Variants in PIP5K1B observed in about 807,000 individuals in gnomAD.
The protein encoded by PIP5K1B is phosphatidylinositol 4-phosphate 5-kinase type-1 beta.
In PIP5K1B, 42 loss-of-function variants were observed where a neutral mutation model predicts 67.0. The ratio of observed to expected loss-of-function variants is 0.63; its 90% CI spans 0.49 to 0.81. PIP5K1B has a LOEUF of 0.81. Ranked by LOEUF, PIP5K1B falls within the 30% of genes least tolerant of loss-of-function variation. The probability of loss-of-function intolerance (pLI) is 0.00; values close to 1 mark genes in which losing one functional copy is unlikely to be tolerated. For missense variants in PIP5K1B, 459 were observed against 646.3 expected, an observed-to-expected ratio of 0.71 and a Z score of 3.14; for synonymous variants, 214 against 231.4, an observed-to-expected ratio of 0.92 and a Z score of 0.68.
At chr9:69,004,848 T>G (rs551106766) in intron 15 of PIP5K1B, among the ~76,000 whole-genome samples, 1 of 152,276 alleles carries the variant, frequency 6.6e-6, no homozygotes, top group African/African-American at 2.4e-5. Context: ...AATAAAATGG[T>G]TTCTGCATAC....
intron 15 of PIP5K1B, among the ~76,000 whole-genome samples, chr9:68,996,829 A>G (rs1169902811): frequency 6.6e-6 from 1 of 152,194 alleles, no homozygotes; most frequent in Non-Finnish European, 1.5e-5. Flanking sequence ...TTTTAATAAT[A>G]TAGAAGTTTG....
intron 4 of PIP5K1B, among the ~76,000 whole-genome samples, chr9:68,830,967 T>G (rs143066670): frequency 7.2e-4 from 109 of 152,340 alleles, no homozygotes; most frequent in African/African-American, 2.5e-3. Context: ...TGCCCTCCTT[T>G]GCCTGAGCAC....
intron 2 of PIP5K1B, among the ~76,000 whole-genome samples, chr9:68,769,564 C>T (rs1478838800): frequency 6.6e-6 from 1 of 152,026 alleles, no homozygotes; most frequent in African/African-American, 2.4e-5. Flanking sequence ...AATGTAATTC[C>T]CCAGATTTGG....
In PIP5K1B at chr9:68,907,712, C is replaced by T. The variant is rs534073117; in HGVS notation, c.772-9836C>T. On this transcript the variant is annotated intron_variant, in intron 8 of 15. Coordinates refer to ENST00000265382, the MANE Select transcript of PIP5K1B (RefSeq NM_003558.4). ...AGGAATCTCAGTTGATAAATTCTGC[C>T]TTACCTTCCTGCCGAATTAATTACA... 4.5e-4 allele frequency among the ~76,000 whole-genome samples: 68 copies of T among 152,272 alleles called. 1 individual carries two copies. The highest frequency in any genetic ancestry group is 1.5e-3 in the African/African-American group (63 of 41,562).
chr9:68,919,772 T>C, intron 11 of PIP5K1B, 43 bp downstream of exon 11: 1 of 1,114,664 alleles, frequency 9.0e-7, no homozygotes, highest in South Asian at 1.3e-5. Context: ...ATATTTCTGC[T>C]TTCTCAGAGA....
chr9:68,921,361 CTATGA>C (rs1273408802), intron 11 of PIP5K1B, among the ~76,000 whole-genome samples: 1 of 151,986 alleles, frequency 6.6e-6, no homozygotes, highest in Non-Finnish European at 1.5e-5. Flanking sequence ...AAAATTCCTC[CTATGA>C]AAGAAGGTCA....
intron 2 of PIP5K1B, among the ~76,000 whole-genome samples, chr9:68,763,494 G>T (rs1830280609): frequency 6.6e-6 from 1 of 152,050 alleles, no homozygotes. Context: ...AGACGATGAT[G>T]ATGATCACAA....
chr9:68,821,402 C>T (rs1381345551), intron 3 of PIP5K1B, among the ~76,000 whole-genome samples: 2 of 152,126 alleles, frequency 1.3e-5, no homozygotes, highest in African/African-American at 4.8e-5. Context: ...AACATTAAGA[C>T]CTCCATAGAT....
chr9:68,715,724 T>TA (rs1340043554), intron 1 of PIP5K1B, among the ~76,000 whole-genome samples: 3 of 152,178 alleles, frequency 2.0e-5, no homozygotes, highest in Non-Finnish European at 2.9e-5. Flanking sequence ...ACTTCTACCT[T>TA]AAAAAAATCC....
intron 15 of PIP5K1B, among the ~76,000 whole-genome samples, chr9:69,004,337 T>TTG (rs56680798): frequency 0.055 from 8,203 of 148,282 alleles, 229 homozygotes; most frequent in African/African-American, 0.083. Context: ...GTGTGTGTTT[T>TTG]TGTGTGTGTG....
At chr9:68,902,602 G>A (rs1425867993) in intron 8 of PIP5K1B, among the ~76,000 whole-genome samples, 3 of 152,170 alleles carry the variant, frequency 2.0e-5, no homozygotes, top group Non-Finnish European at 2.9e-5. Flanking sequence ...GTGAGCACAG[G>A]TTTTCATTTC....
intron 4 of PIP5K1B, among the ~76,000 whole-genome samples, chr9:68,831,242 A>G (rs1219042949): frequency 1.3e-5 from 2 of 152,248 alleles, no homozygotes; most frequent in Admixed American, 1.3e-4. Flanking sequence ...CTACTAATTC[A>G]GTGAATTGAA....
chr9:68,980,970 CTGT>C (rs1485965295), intron 14 of PIP5K1B, among the ~76,000 whole-genome samples: 1 of 152,214 alleles, frequency 6.6e-6, no homozygotes, highest in Non-Finnish European at 1.5e-5. Flanking sequence ...CCCTAACTCA[CTGT>C]TGGCCAGGCA....
At chr9:68,731,340 T>C (rs1387922716) in intron 1 of PIP5K1B, among the ~76,000 whole-genome samples, 1 of 152,202 alleles carries the variant, frequency 6.6e-6, no homozygotes, top group Non-Finnish European at 1.5e-5. Context: ...ACAGGATCAG[T>C]GATGATCCAG....
intron 2 of PIP5K1B, among the ~76,000 whole-genome samples, chr9:68,785,072 G>C (rs902783015): frequency 6.6e-6 from 1 of 152,108 alleles, no homozygotes; most frequent in Non-Finnish European, 1.5e-5. Context: ...GGCTTATTAG[G>C]CTATGATGGA....
intron 13 of PIP5K1B, among the ~76,000 whole-genome samples, chr9:68,936,188 T>C (rs1052194604): frequency 1.3e-5 from 2 of 151,706 alleles, no homozygotes; most frequent in Non-Finnish European, 2.9e-5. Flanking sequence ...TTTTTTTCTT[T>C]CTTAACTTGC....
At chr9:68,897,724 G>C (rs1825159801) in intron 8 of PIP5K1B, among the ~76,000 whole-genome samples, 1 of 152,092 alleles carries the variant, frequency 6.6e-6, no homozygotes, top group Non-Finnish European at 1.5e-5. Context: ...CCAGACCTTT[G>C]GACCCCAGCT....
chr9:68,711,707 C>T (rs1827402477), intron 1 of PIP5K1B, among the ~76,000 whole-genome samples: 1 of 152,104 alleles, frequency 6.6e-6, no homozygotes. Flanking sequence ...ATTCACTAGA[C>T]TACAACTTTT....
At chr9:68,912,536 T>C (rs760127723) in intron 8 of PIP5K1B, among the ~76,000 whole-genome samples, 3 of 152,210 alleles carry the variant, frequency 2.0e-5, no homozygotes, top group Non-Finnish European at 4.4e-5. Flanking sequence ...GAGTGCTTTT[T>C]GTGTGCCTAA....
Sources: allele counts gnomAD v4.1 joint callset (sites outside exome capture counted in the v4.1 genomes callset), GRCh38; gene constraint gnomAD v4.1.1; transcripts MANE v1.5; gene names NCBI Gene and HGNC (gene_info 2026-07-23, HGNC 2026-07-21).